GRB10: variants seen among roughly 807,000 people sequenced by gnomAD.
GRB10 encodes the protein growth factor receptor-bound protein 10.
GRB10 carries 20 observed loss-of-function variants against 80.9 expected under a neutral mutation model. The ratio of observed to expected loss-of-function variants is 0.25; its 90% CI spans 0.17 to 0.36. GRB10 has a LOEUF of 0.36. Among genes scored for constraint, GRB10 ranks in the 10% least tolerant of loss-of-function variants. GRB10 has a pLI of 1.00. For synonymous variants in GRB10, 291 were observed against 291.5 expected (o/e 1.00, Z 0.02); for missense variants, 548 against 747.7 (o/e 0.73, Z 3.12).
chr7:50,785,473 C>A (rs1260699894), upstream of GRB10, among the ~76,000 whole-genome samples: 1 of 152,252 alleles, frequency 6.6e-6, no homozygotes, highest in Non-Finnish European at 1.5e-5. Context: ...CCAGCACCTG[C>A]AGGGATGTAG....
intron 3 of GRB10, among the ~76,000 whole-genome samples, chr7:50,749,825 C>A (rs1240461902): frequency 6.6e-6 from 1 of 152,186 alleles, no homozygotes; most frequent in Non-Finnish European, 1.5e-5. Context: ...CGTCTTTGGG[C>A]CCACAGCTCT....
intron 3 of GRB10, among the ~76,000 whole-genome samples, chr7:50,751,837 T>G (rs889567744): frequency 6.6e-6 from 1 of 152,212 alleles, no homozygotes; most frequent in African/African-American, 2.4e-5. Context: ...GTTAAGGGCT[T>G]TAAAGTCACC....
At chr7:50,693,481 A>T (rs931216984) in intron 5 of GRB10, among the ~76,000 whole-genome samples, 1 of 152,214 alleles carries the variant, frequency 6.6e-6, no homozygotes, top group Non-Finnish European at 1.5e-5. Flanking sequence ...AGCTAAAGAA[A>T]CTAAAGTCAG....
At chr7:50,700,742 TAA>T (rs1439517382) in intron 5 of GRB10, among the ~76,000 whole-genome samples, 1 of 152,256 alleles carries the variant, frequency 6.6e-6, no homozygotes, top group East Asian at 1.9e-4. Flanking sequence ...GGGTGTGTTT[TAA>T]AGTTTCCTCA....
intron 7 of GRB10, among the ~76,000 whole-genome samples, chr7:50,639,452 G>A (rs889338614): frequency 6.6e-6 from 1 of 152,160 alleles, no homozygotes; most frequent in East Asian, 1.9e-4. Context: ...GAAGTGGGCG[G>A]ATCACAAGGT....
intron 3 of GRB10, among the ~76,000 whole-genome samples, chr7:50,743,288 G>T (rs2072233428): frequency 6.6e-6 from 1 of 152,198 alleles, no homozygotes; most frequent in African/African-American, 2.4e-5. Flanking sequence ...GTTTGAAAAA[G>T]ACTTGTGTGG....
At chr7:50,757,829 T>A (rs191025744) in intron 2 of GRB10, among the ~76,000 whole-genome samples, 3 of 152,230 alleles carry the variant, frequency 2.0e-5, no homozygotes, top group Non-Finnish European at 4.4e-5. Context: ...GAGAGCCTAA[T>A]CTTTTCCCCA....
chr7:50,792,477 G>C (rs910492913), intron 1 of GRB10: 3 of 398,506 alleles, frequency 7.5e-6, no homozygotes, highest in Admixed American at 4.4e-5. Flanking sequence ...CAAGGCAGTC[G>C]TCAGGCAGGC....
At chr7:50,668,241 C>A (rs1003543584) in intron 7 of GRB10, among the ~76,000 whole-genome samples, 1 of 152,132 alleles carries the variant, frequency 6.6e-6, no homozygotes, top group African/African-American at 2.4e-5. Context: ...AGAGGACAGA[C>A]CTTGCATGGC....
At chr7:50,665,974 G>A (rs2059758716) in intron 7 of GRB10, among the ~76,000 whole-genome samples, 1 of 152,150 alleles carries the variant, frequency 6.6e-6, no homozygotes, top group South Asian at 2.1e-4. Flanking sequence ...ACTCAGCACA[G>A]CACTCAGGAA....
intron 3 of GRB10, among the ~76,000 whole-genome samples, chr7:50,734,769 G>C (rs2070501966): frequency 6.6e-6 from 1 of 152,176 alleles, no homozygotes; most frequent in South Asian, 2.1e-4. Flanking sequence ...CTTGGGACAA[G>C]TAAACTATAG....
intron 7 of GRB10, among the ~76,000 whole-genome samples, chr7:50,656,507 C>A (rs919637020): frequency 6.6e-6 from 1 of 152,218 alleles, no homozygotes; most frequent in African/African-American, 2.4e-5. Flanking sequence ...CACTGCAGGG[C>A]CACACAGGCC....
At chr7:50,652,077 T>C (rs1201467700) in intron 7 of GRB10, among the ~76,000 whole-genome samples, 1 of 152,256 alleles carries the variant, frequency 6.6e-6, no homozygotes, top group Non-Finnish European at 1.5e-5. Flanking sequence ...GGTAGAATTT[T>C]GGATTTCAAA....
At chr7:50,623,676 A>G (rs2052322015) in intron 8 of GRB10, among the ~76,000 whole-genome samples, 1 of 152,118 alleles carries the variant, frequency 6.6e-6, no homozygotes. Flanking sequence ...CTTGGGAACT[A>G]CCCTCACTTT....
Position 50,593,095 on chromosome 7 carries a change from C to T in GRB10, c.1642G>A (p.Glu548Lys), listed in dbSNP as rs775666513. ...KIKNFQILPCEDDGQTFFSLD... is the reference protein window; with the variant it reads ...KIKNFQILPCKDDGQTFFSLD... Reference sequence around the variant, plus strand: ...CTGAAGAACGTCTGCCCGTCGTCCTCGCACTGGAGAGACACAAGAACACTT... The same window carrying T: ...CTGAAGAACGTCTGCCCGTCGTCCTTGCACTGGAGAGACACAAGAACACTT... Residue 548 changes from glutamate to lysine, a missense_variant, in exon 19 of 19, where the codon GAG becomes AAG. Glu to Lys is a moderately conservative substitution (Grantham distance 56). Around this residue, in one of 4 missense-constraint regions of GRB10, gnomAD observed 32 missense variants for 66.0 expected, o/e 0.48. Coordinates refer to ENST00000401949, the MANE Select transcript of GRB10 (RefSeq NM_001350814.2). 48 of 1,614,026 alleles carry T rather than the reference C, an allele frequency of 3.0e-5. No individual in the cohort carries two copies. Among genetic ancestry groups the T allele is most frequent in the South Asian group, 5.5e-5 (5 of 91,084 alleles).
chr7:50,732,251 G>GAT (rs2069918095), intron 4 of GRB10, 21 bp downstream of exon 4: 3 of 1,613,146 alleles, frequency 1.9e-6, no homozygotes, highest in Non-Finnish European at 2.5e-6. Flanking sequence ...GCCAGGATCA[G>GAT]ATATATGTGC....
At chr7:50,698,202 G>A (rs1458841619) in intron 5 of GRB10, among the ~76,000 whole-genome samples, 1 of 152,026 alleles carries the variant, frequency 6.6e-6, no homozygotes, top group Non-Finnish European at 1.5e-5. Flanking sequence ...CTAATACTCT[G>A]CATGTTACAT....
chr7:50,687,430 T>C (rs2062231671), intron 5 of GRB10, among the ~76,000 whole-genome samples: 1 of 152,332 alleles, frequency 6.6e-6, no homozygotes, highest in Non-Finnish European at 1.5e-5. Flanking sequence ...AATCCTGCCT[T>C]GCCCATCCCA....
intron 17 of GRB10, among the ~76,000 whole-genome samples, chr7:50,597,475 G>A (rs1011147279): frequency 1.3e-5 from 2 of 152,226 alleles, no homozygotes; most frequent in South Asian, 2.1e-4. Context: ...ATAAAACATC[G>A]TTACTCTGAC....
Sources: gnomAD v4.1 joint callset for allele counts (sites outside exome capture counted in the v4.1 genomes callset) on GRCh38, gnomAD v4.1.1 for gene constraint, gnomAD v4.1.1 regional missense constraint, MANE v1.5 for transcripts, NCBI Gene and HGNC (gene_info 2026-07-23, HGNC 2026-07-21) for gene names.